The following CAMK4 variants were observed in gnomAD, a reference collection of about 807,000 sequenced individuals.
CAMK4 encodes the protein calcium/calmodulin-dependent protein kinase type IV.
A neutral mutation model predicts 44.9 loss-of-function variants in CAMK4; 22 were observed. The ratio of observed to expected loss-of-function variants is 0.49; its 90% CI spans 0.35 to 0.70. The LOEUF (loss-of-function observed/expected upper bound fraction) is 0.70. Ranked by LOEUF, CAMK4 falls within the 30% of genes least tolerant of loss-of-function variation. The pLI is 0.01. For synonymous variants in CAMK4, 218 were observed against 215.4 expected (o/e 1.01, Z -0.11); for missense variants, 498 against 586.8 (o/e 0.85, Z 1.56).
At chr5:111,305,719 AAG>A in intron 1 of CAMK4, among the ~76,000 whole-genome samples, 1 of 143,200 alleles carries the variant, frequency 7.0e-6, no homozygotes, top group African/African-American at 2.6e-5. Context: ...TCAATAGAAA[AAG>A]AGGGAATCCT....
intron 5 of CAMK4, among the ~76,000 whole-genome samples, chr5:111,430,146 T>C (rs1753389331): frequency 1.3e-5 from 2 of 152,202 alleles, no homozygotes; most frequent in Non-Finnish European, 1.5e-5. Context: ...ATCCCTGGGA[T>C]ACAAGGATGG....
chr5:111,436,933 A>G (rs977501454), intron 5 of CAMK4, among the ~76,000 whole-genome samples: 17 of 152,362 alleles, frequency 1.1e-4, no homozygotes, highest in African/African-American at 3.6e-4. Flanking sequence ...TTCAGCTATA[A>G]CTACCAACAT....
chr5:111,326,658 C>CTG lies in CAMK4; in HGVS notation c.162-17365_162-17364insGT, dbSNP rs1177905002. Among the ~76,000 whole-genome samples, 3 of 146,926 alleles carry CTG rather than the reference C, an allele frequency of 2.0e-5. No individual in the cohort carries two copies. The East Asian group carries it at 6.0e-4, about 29-fold the overall frequency. The stretch of plus-strand genomic sequence containing the variant: ...TAGAAAATATATGCTTTGCGTGTCT[C>CTG]TCTGTGTGTGTGTAAAGCTATAAAT... On this transcript the variant is annotated intron_variant, in intron 1 of 10. Transcript: ENST00000282356.
chr5:111,249,462 T>C (rs1472502600), intron 1 of CAMK4, among the ~76,000 whole-genome samples: 1 of 150,830 alleles, frequency 6.6e-6, no homozygotes, highest in African/African-American at 2.4e-5. Flanking sequence ...TTTAAATAAA[T>C]ATACATTTAT....
At chr5:111,397,037 T>C (rs911056209) in intron 5 of CAMK4, among the ~76,000 whole-genome samples, 3 of 152,248 alleles carry the variant, frequency 2.0e-5, no homozygotes, top group African/African-American at 7.2e-5. Flanking sequence ...AATTTTATAC[T>C]TTTCTTAAAT....
At chr5:111,364,151 G>C (rs1750701836) in intron 2 of CAMK4, among the ~76,000 whole-genome samples, 1 of 151,676 alleles carries the variant, frequency 6.6e-6, no homozygotes, top group African/African-American at 2.4e-5. Flanking sequence ...GATATGCTTT[G>C]GAAGTGGGAG....
rs986263547 is a variant in CAMK4, at chr5:111,473,445, A to G, written c.701+59A>G. 8 of 1,060,116 alleles carry G rather than the reference A, an allele frequency of 7.5e-6. No homozygotes were observed. The African/African-American group carries it at 1.3e-4, about 17-fold the overall frequency. 65.7% of individuals were successfully genotyped at this position (1,060,116 alleles called of 1,614,324 possible). A position where few individuals can be genotyped will look rare whatever the true frequency, so the allele number is the denominator to read the frequency against. ...TTTACCTTGCTGTGACATTTTCTAG[A>G]TACCTCTAATGCTCATAAAAACCAT... On this transcript the variant is annotated intron_variant, in intron 8 of 10. Coordinates refer to ENST00000282356, the MANE Select transcript of CAMK4 (RefSeq NM_001744.6).
intron 7 of CAMK4, among the ~76,000 whole-genome samples, chr5:111,454,220 T>C (rs1219541003): frequency 6.6e-6 from 1 of 152,232 alleles, no homozygotes; most frequent in Non-Finnish European, 1.5e-5. Context: ...AGGATGATTA[T>C]ATCCAAGGTC....
chr5:111,421,596 G>A (rs543097043), intron 5 of CAMK4, among the ~76,000 whole-genome samples: 118 of 152,234 alleles, frequency 7.8e-4, no homozygotes, highest in African/African-American at 2.7e-3. Context: ...CCATTTCTTA[G>A]TTAGCTGTAT....
chr5:111,274,450 GTGAA>G (rs1355496096), intron 1 of CAMK4, among the ~76,000 whole-genome samples: 1 of 152,146 alleles, frequency 6.6e-6, no homozygotes, highest in Non-Finnish European at 1.5e-5. Flanking sequence ...ATAAATATTT[GTGAA>G]TGAGTGACAA....
In CAMK4 at chr5:111,449,150, T is replaced by C; in HGVS notation, c.572T>C (p.Ile191Thr). 1 of 1,574,588 alleles carries C rather than the reference T, an allele frequency of 6.4e-7. No homozygotes were observed. Among genetic ancestry groups the C allele is most frequent in the Non-Finnish European group, 8.7e-7 (1 of 1,146,058 alleles). The change falls in exon 7 of 11, where the codon ATT becomes ACT. Residue 191 changes from isoleucine to threonine, a missense_variant. Transcript: ENST00000282356. ...LKIADFGLSKIVEHQVLMKTV... is the reference protein window; with the variant it reads ...LKIADFGLSKTVEHQVLMKTV... ...TTAGCTGATTTTGGACTCTCTAAAA[T>C]TGTGGAACATCAAGTGCTCATGAAG... is the stretch of plus-strand genomic sequence containing the variant.
At chr5:111,242,376 A>G (rs1257461725) in intron 1 of CAMK4, among the ~76,000 whole-genome samples, 1 of 152,180 alleles carries the variant, frequency 6.6e-6, no homozygotes, top group African/African-American at 2.4e-5. Context: ...CGTACCTAGT[A>G]TATTTCACAC....
chr5:111,401,854 T>G lies in CAMK4; in HGVS notation c.459+7072T>G, dbSNP rs556496925. 3.9e-5 allele frequency among the ~76,000 whole-genome samples: 6 copies of G among 152,326 alleles called. No homozygotes were observed. The East Asian group carries it at 1.2e-3, about 29-fold the overall frequency. ...GGATTGAAGGAGGTTCTCTATGGAC[T>G]TGTGAAGAGGGCTCCCTGTTTGGCT... On this transcript the variant is annotated intron_variant, in intron 5 of 10. Coordinates refer to ENST00000282356, the MANE Select transcript of CAMK4 (RefSeq NM_001744.6).
chr5:111,287,396 G>A (rs1751281849), intron 1 of CAMK4, among the ~76,000 whole-genome samples: 1 of 152,090 alleles, frequency 6.6e-6, no homozygotes, highest in Non-Finnish European at 1.5e-5. Context: ...ATAAAAAAAA[G>A]CTTTGGTTCA....
chr5:111,247,914 G>C (rs1408216792), intron 1 of CAMK4, among the ~76,000 whole-genome samples: 1 of 152,150 alleles, frequency 6.6e-6, no homozygotes, highest in Non-Finnish European at 1.5e-5. Flanking sequence ...GGTTAAATTT[G>C]AGAAATGGTA....
At chr5:111,401,764 C>G (rs566720724) in intron 5 of CAMK4, among the ~76,000 whole-genome samples, 25 of 152,280 alleles carry the variant, frequency 1.6e-4, no homozygotes, top group Admixed American at 6.5e-4. Flanking sequence ...GTGATAACTT[C>G]AGGAAACAGC....
At chr5:111,286,790 A>G (rs565917120) in intron 1 of CAMK4, among the ~76,000 whole-genome samples, 1 of 152,182 alleles carries the variant, frequency 6.6e-6, no homozygotes, top group African/African-American at 2.4e-5. Flanking sequence ...TTGGGAGCTT[A>G]TTAACTGATG....
intron 2 of CAMK4, among the ~76,000 whole-genome samples, chr5:111,361,884 A>G (rs144462876): frequency 1.6e-3 from 248 of 152,200 alleles, no homozygotes; most frequent in African/African-American, 5.6e-3. Context: ...TAGAATAACA[A>G]TAAAAATAAA....
intron 1 of CAMK4, among the ~76,000 whole-genome samples, chr5:111,229,050 A>T (rs1047443370): frequency 6.6e-6 from 1 of 152,212 alleles, no homozygotes; most frequent in African/African-American, 2.4e-5. Flanking sequence ...ACAGTGAGCA[A>T]ATGCTTTCTA....
Sources: gnomAD v4.1 joint callset for allele counts (sites outside exome capture counted in the v4.1 genomes callset) on GRCh38, gnomAD v4.1.1 for gene constraint, MANE v1.5 for transcripts, NCBI Gene and HGNC (gene_info 2026-07-23, HGNC 2026-07-21) for gene names.